The following GNAQ variants were observed in gnomAD, a reference collection of about 807,000 sequenced individuals.
GNAQ encodes the protein G protein subunit alpha q, also known as guanine nucleotide-binding protein G(q) subunit alpha.
In GNAQ, 8 loss-of-function variants were observed where a neutral mutation model predicts 43.9. That is an observed-to-expected ratio of 0.18 (90% confidence interval 0.11 to 0.33). The LOEUF (loss-of-function observed/expected upper bound fraction) is 0.33. Among genes scored for constraint, GNAQ ranks in the 10% least tolerant of loss-of-function variants. The pLI, the probability that GNAQ is intolerant of heterozygous loss-of-function variation, is 1.00. For missense variants in GNAQ, 158 were observed against 450.8 expected, an observed-to-expected ratio of 0.35 and a Z score of 5.88; for synonymous variants, 155 against 170.7, an observed-to-expected ratio of 0.91 and a Z score of 0.71.
At chr9:77,820,578 C>A (rs1019138791) in intron 2 of GNAQ, among the ~76,000 whole-genome samples, 13 of 152,136 alleles carry the variant, frequency 8.5e-5, no homozygotes, top group Non-Finnish European at 1.9e-4. Flanking sequence ...CCTTTTGAAG[C>A]CCCTCATGAA....
intron 2 of GNAQ, among the ~76,000 whole-genome samples, chr9:77,816,402 T>C (rs1827016306): frequency 6.6e-6 from 1 of 152,206 alleles, no homozygotes; most frequent in African/African-American, 2.4e-5. Flanking sequence ...ATTACCAGAT[T>C]GAGTACGCCC....
chr9:77,821,721 A>ATGGG (rs1554718669), intron 2 of GNAQ, among the ~76,000 whole-genome samples: 1 of 80,388 alleles, frequency 1.2e-5, no homozygotes, highest in African/African-American at 5.2e-5. Flanking sequence ...CTATCCTAGT[A>ATGGG]TGGGTGTGTG....
chr9:78,017,699 C>G (rs1823856053), intron 1 of GNAQ, among the ~76,000 whole-genome samples: 1 of 152,102 alleles, frequency 6.6e-6, no homozygotes, highest in South Asian at 2.1e-4. Flanking sequence ...TTAAAAACTT[C>G]TGTATCAAAT....
At chr9:77,997,503 C>G (rs182793738) in intron 1 of GNAQ, among the ~76,000 whole-genome samples, 1 of 152,170 alleles carries the variant, frequency 6.6e-6, no homozygotes. Flanking sequence ...GGCTTGGCAT[C>G]CACACCTTAG....
At chr9:77,842,126 C>T (rs969864949) in intron 2 of GNAQ, among the ~76,000 whole-genome samples, 3 of 152,116 alleles carry the variant, frequency 2.0e-5, no homozygotes, top group Admixed American at 6.5e-5. Context: ...TTAAGGTGAA[C>T]TCCTTGACTG....
chr9:77,737,779 C>T (rs559688244), intron 5 of GNAQ, among the ~76,000 whole-genome samples: 7 of 152,294 alleles, frequency 4.6e-5, no homozygotes, highest in African/African-American at 1.4e-4. Context: ...CTTCAATGGA[C>T]CCATTAGCAC....
intron 1 of GNAQ, among the ~76,000 whole-genome samples, chr9:77,932,792 A>G (rs1041431837): frequency 6.6e-6 from 1 of 152,224 alleles, no homozygotes; most frequent in South Asian, 2.1e-4. Flanking sequence ...GAACCAGTGA[A>G]GTAACAGGCC....
chr9:77,859,368 T>A (rs896800660), intron 2 of GNAQ, among the ~76,000 whole-genome samples: 1 of 152,204 alleles, frequency 6.6e-6, no homozygotes, highest in Non-Finnish European at 1.5e-5. Flanking sequence ...CAGAAGGAGA[T>A]AGATGTGAAA....
chr9:77,963,918 AC>A (rs1823135381), intron 1 of GNAQ, among the ~76,000 whole-genome samples: 1 of 152,134 alleles, frequency 6.6e-6, no homozygotes. Flanking sequence ...TTTAAAAGGC[AC>A]CCATTTTTCT....
At chr9:77,774,288 T>C (rs1372920273) in intron 5 of GNAQ, among the ~76,000 whole-genome samples, 2 of 152,198 alleles carry the variant, frequency 1.3e-5, no homozygotes, top group East Asian at 1.9e-4. Context: ...GTTTTGAAGA[T>C]ATTTTCAATA....
chr9:78,012,191 C>A (rs1262547331), intron 1 of GNAQ, among the ~76,000 whole-genome samples: 1 of 151,878 alleles, frequency 6.6e-6, no homozygotes. Flanking sequence ...GAATTCTATA[C>A]CCATGCAAGT....
At chr9:78,005,676 A>G (rs1423939828) in intron 1 of GNAQ, among the ~76,000 whole-genome samples, 1 of 152,174 alleles carries the variant, frequency 6.6e-6, no homozygotes, top group Non-Finnish European at 1.5e-5. Context: ...AACTTGGTGC[A>G]GTAGTGCATG....
At chr9:77,864,471 G>C (rs1458914128) in intron 2 of GNAQ, among the ~76,000 whole-genome samples, 1 of 152,182 alleles carries the variant, frequency 6.6e-6, no homozygotes, top group Non-Finnish European at 1.5e-5. Context: ...TTATCCAAGT[G>C]GGCCCAATGT....
chr9:77,797,832 TCCATCTATGGATTACATA>T (rs1370032642), intron 3 of GNAQ, among the ~76,000 whole-genome samples, 184 bp from the exon 4 acceptor site: 1 of 152,214 alleles, frequency 6.6e-6, no homozygotes, highest in Non-Finnish European at 1.5e-5. Flanking sequence ...TGGAAGGTTA[TCCATCTATGGATTACATA>T]CACACCATAG....
intron 1 of GNAQ, among the ~76,000 whole-genome samples, chr9:78,022,809 C>T (rs374160853): frequency 1.5e-4 from 23 of 152,272 alleles, no homozygotes; most frequent in East Asian, 9.6e-4. Flanking sequence ...AGCGCAGGTC[C>T]TAAATATCAA....
At chr9:77,743,653 C>CA (rs1348346618) in intron 5 of GNAQ, among the ~76,000 whole-genome samples, 1 of 111,104 alleles carries the variant, frequency 9.0e-6, no homozygotes, top group Non-Finnish European at 2.3e-5. Context: ...ATTGGCTGAT[C>CA]TTTTTTTTTT....
At position 77,837,883 on chromosome 9, in the gene GNAQ, C is replaced by T. The variant is rs559193412; in HGVS notation, c.322-22113G>A. 1.0e-4 allele frequency among the ~76,000 whole-genome samples: 13 copies of T among 129,432 alleles called. No individual in the cohort carries two copies. In the East Asian group the frequency reaches 2.0e-3, roughly 20 times the overall value. The allele number at this position is 129,432 out of a possible 152,430, so 84.9% of individuals were successfully genotyped here. On this transcript the variant is annotated intron_variant, in intron 2 of 6. Transcript: ENST00000286548. ...TTTTTTTTTGAGATGGAGTCTTGCT[C>T]TGTTGCCTGGGCTGGAGTGCAGTGG...
chr9:77,978,038 T>A (rs1414228839), intron 1 of GNAQ, among the ~76,000 whole-genome samples: 1 of 152,170 alleles, frequency 6.6e-6, no homozygotes, highest in Non-Finnish European at 1.5e-5. Flanking sequence ...TCCTTTTTCT[T>A]AAATTATATG....
intron 2 of GNAQ, among the ~76,000 whole-genome samples, chr9:77,891,313 T>C (rs1828402074): frequency 6.6e-6 from 1 of 152,196 alleles, no homozygotes; most frequent in Admixed American, 6.5e-5. Flanking sequence ...AGTTCTTATC[T>C]TTTCTCTGCA....
Sources: allele counts gnomAD v4.1 joint callset (sites outside exome capture counted in the v4.1 genomes callset), GRCh38; gene constraint gnomAD v4.1.1; transcripts MANE v1.5; gene names NCBI Gene and HGNC (gene_info 2026-07-23, HGNC 2026-07-21).